Variants in RGS17 observed in about 807,000 individuals in gnomAD.
The protein encoded by RGS17 is regulator of G-protein signaling 17.
In RGS17, 12 loss-of-function variants were observed where a neutral mutation model predicts 25.5. That is an observed-to-expected ratio of 0.47 (90% CI 0.30 to 0.76). RGS17 has a LOEUF of 0.76. RGS17 is among the 30% of genes least tolerant of loss of function. The probability of loss-of-function intolerance (pLI) is 0.07; values close to 1 mark genes in which losing one functional copy is unlikely to be tolerated. For missense variants in RGS17, 196 were observed against 242.2 expected, an observed-to-expected ratio of 0.81 and a Z score of 1.27; for synonymous variants, 71 against 76.9, an observed-to-expected ratio of 0.92 and a Z score of 0.40.
At chr6:153,080,689 T>C (rs1482189827) in intron 1 of RGS17, among the ~76,000 whole-genome samples, 1 of 152,152 alleles carries the variant, frequency 6.6e-6, no homozygotes, top group Non-Finnish European at 1.5e-5. Context: ...AAATTGTAGG[T>C]AATTGAGTTC....
chr6:153,047,168 T>C (rs1362980071), intron 1 of RGS17, among the ~76,000 whole-genome samples: 3 of 152,212 alleles, frequency 2.0e-5, no homozygotes, highest in African/African-American at 7.2e-5. Context: ...ATAAACTCAC[T>C]GAGTTGATTA....
At chr6:153,061,291 G>A (rs1457655717) in intron 1 of RGS17, among the ~76,000 whole-genome samples, 1 of 152,100 alleles carries the variant, frequency 6.6e-6, no homozygotes, top group Non-Finnish European at 1.5e-5. Context: ...CTTTAGAATG[G>A]CCCTATTACA....
chr6:153,011,992 GA>G (rs1271315840), intron 4 of RGS17, among the ~76,000 whole-genome samples: 2 of 152,132 alleles, frequency 1.3e-5, no homozygotes, highest in African/African-American at 4.8e-5. Flanking sequence ...TTAGTTTACA[GA>G]TGTCTTTGCT....
intron 4 of RGS17, among the ~76,000 whole-genome samples, chr6:153,017,381 G>T (rs1020497141): frequency 1.3e-5 from 2 of 151,930 alleles, no homozygotes; most frequent in African/African-American, 4.8e-5. Flanking sequence ...AGAGCGAAGT[G>T]GTCAACAAAA....
chr6:153,063,712 T>C (rs1776668719), intron 1 of RGS17, among the ~76,000 whole-genome samples: 1 of 152,064 alleles, frequency 6.6e-6, no homozygotes, highest in South Asian at 2.1e-4. Context: ...GAGAAAGATA[T>C]CAATATCCAA....
chr6:153,101,254 T>A (rs567194047), intron 1 of RGS17, among the ~76,000 whole-genome samples: 81 of 152,316 alleles, frequency 5.3e-4, no homozygotes, highest in Non-Finnish European at 1.0e-3. Flanking sequence ...TACACAGTTT[T>A]ATTTTTTTCA....
chr6:153,077,072 T>C (rs1319171614), intron 1 of RGS17, among the ~76,000 whole-genome samples: 1 of 152,174 alleles, frequency 6.6e-6, no homozygotes, highest in Non-Finnish European at 1.5e-5. Context: ...GTGTGCCTCA[T>C]AACTGATGCA....
chr6:153,024,445 C>T lies in RGS17; in HGVS notation c.261G>A (p.Lys87=). The T allele has an allele frequency of 1.2e-6, 2 of 1,614,188 alleles. No homozygotes were observed. The highest frequency in any genetic ancestry group is 1.7e-6 in the Non-Finnish European group (2 of 1,180,018). Residue 87 remains lysine (K), a synonymous_variant, in exon 4 of 5, where the codon AAG becomes AAA. Coordinates refer to ENST00000206262, the MANE Select transcript of RGS17 (RefSeq NM_012419.5). The stretch of plus-strand genomic sequence containing the variant: ...TTCTTCCTGCTGGGGCCTTCATCAT[C>T]TTGTCAAAATTTTGAGACCAGGACA... ...EVLSWSQNFD[K]MMKAPAGRNL... is the part of the protein sequence containing the mutation.
chr6:153,056,838 C>CTGTGTG (rs59058708), intron 1 of RGS17, among the ~76,000 whole-genome samples: 1,735 of 144,466 alleles, frequency 0.012, 35 homozygotes, highest in African/African-American at 0.04. Context: ...AGAGGAAGGG[C>CTGTGTG]TGTGTGTGTG....
chr6:153,023,643 A>G (rs1383620488), intron 4 of RGS17, among the ~76,000 whole-genome samples: 1 of 152,364 alleles, frequency 6.6e-6, no homozygotes, highest in East Asian at 1.9e-4. Flanking sequence ...AAAACCTAGA[A>G]TAAGTAATAT....
chr6:153,023,440 G>A (rs371417768), intron 4 of RGS17: 26 of 471,484 alleles, frequency 5.5e-5, no homozygotes, highest in African/African-American at 5.9e-5. Context: ...CATCACACAG[G>A]GCTCCAAGGG....
intron 1 of RGS17, among the ~76,000 whole-genome samples, chr6:153,051,824 G>A (rs1776465115): frequency 1.3e-5 from 2 of 152,202 alleles, no homozygotes; most frequent in African/African-American, 2.4e-5. Context: ...AGAACACTAA[G>A]AGTATTACCA....
At chr6:153,089,394 T>C (rs1265884230) in intron 1 of RGS17, among the ~76,000 whole-genome samples, 1 of 152,162 alleles carries the variant, frequency 6.6e-6, no homozygotes, top group African/African-American at 2.4e-5. Flanking sequence ...CCATTTTTGA[T>C]AAAAATGAAA....
At chr6:153,120,607 C>A (rs2129126818) in intron 1 of RGS17, among the ~76,000 whole-genome samples, 1 of 152,310 alleles carries the variant, frequency 6.6e-6, no homozygotes, top group African/African-American at 2.4e-5. Context: ...TGTCCCATAG[C>A]ACAGCTCCCG....
intron 1 of RGS17, among the ~76,000 whole-genome samples, chr6:153,058,529 C>T (rs6903981): frequency 0.38 from 58,185 of 151,810 alleles, 11,791 homozygotes; most frequent in East Asian, 0.62. Context: ...TTATAACCGT[C>T]GCTGTCTTGT....
intron 1 of RGS17, among the ~76,000 whole-genome samples, chr6:153,122,276 G>A (rs977297481): frequency 3.3e-5 from 5 of 152,070 alleles, no homozygotes; most frequent in African/African-American, 4.8e-5. Flanking sequence ...TGCATACATT[G>A]ACACATAAAA....
chr6:153,016,608 CAGT>C (rs1779188149), intron 4 of RGS17, among the ~76,000 whole-genome samples: 1 of 152,022 alleles, frequency 6.6e-6, no homozygotes, highest in South Asian at 2.1e-4. Flanking sequence ...AAGCTAAAAA[CAGT>C]AGTGAAATAT....
chr6:153,130,612 TA>T lies in RGS17; in HGVS notation c.-26+511del, dbSNP rs1777773927. On this transcript the variant is annotated intron_variant, in intron 1 of 4. Coordinates refer to ENST00000206262, the MANE Select transcript of RGS17 (RefSeq NM_012419.5). The surrounding 1 kb of genome is among the most constrained non-coding windows in gnomAD (Gnocchi z 6.4). ...GCATTTTCCCAAAGGTAAAGAGAGA[TA>T]AGGGAGGAAACACAGCACCCAAGGT... 6.6e-6 allele frequency among the ~76,000 whole-genome samples: 1 copy of T among 152,064 alleles called. No homozygotes were observed. The highest frequency in any genetic ancestry group is 1.5e-5 in the Non-Finnish European group (1 of 68,000).
intron 4 of RGS17, among the ~76,000 whole-genome samples, chr6:153,013,171 T>C (rs1043919342): frequency 6.6e-6 from 1 of 152,246 alleles, no homozygotes; most frequent in African/African-American, 2.4e-5. Context: ...GTGTGCTCAC[T>C]CTGTGTCTCT....
Sources: gnomAD v4.1 joint callset for allele counts (sites outside exome capture counted in the v4.1 genomes callset) on GRCh38, gnomAD v4.1.1 for gene constraint, Gnocchi (gnomAD v3.1) non-coding constraint, MANE v1.5 for transcripts, NCBI Gene and HGNC (gene_info 2026-07-23, HGNC 2026-07-21) for gene names.